CERKL: variants seen among roughly 807,000 people sequenced by gnomAD.
CERKL encodes the protein ceramide kinase-like protein.
Under a neutral mutation model 63.4 loss-of-function variants are expected in CERKL, and 61 were observed. The observed-to-expected ratio is 0.96, with a 90% CI of 0.78 to 1.19. The LOEUF (loss-of-function observed/expected upper bound fraction) is 1.19, where lower values mean the gene tolerates loss of function less well. CERKL is among the 50% of genes most tolerant of loss of function. The pLI, the probability that CERKL is intolerant of heterozygous loss-of-function variation, is 0.00. For missense variants in CERKL, 675 were observed against 655.5 expected, an observed-to-expected ratio of 1.03 and a Z score of -0.33; for synonymous variants, 250 against 230.5, an observed-to-expected ratio of 1.08 and a Z score of -0.77.
intron 2 of CERKL, among the ~76,000 whole-genome samples, chr2:181,578,768 G>T (rs1014622401): frequency 6.6e-6 from 1 of 151,990 alleles, no homozygotes; most frequent in Non-Finnish European, 1.5e-5. Context: ...ATCTAAAGCT[G>T]CCTCATATTC....
rs1689009975 is a variant in CERKL, at chr2:181,573,791, G to A, written c.575C>T (p.Pro192Leu). The A allele has an allele frequency of 6.2e-7, 1 of 1,612,236 alleles. No homozygotes were observed. The highest frequency in any genetic ancestry group is 8.5e-7 in the Non-Finnish European group (1 of 1,178,760). Reference protein sequence around the residue: ...ATQVYYEKVEPLLKLAGIKTD... With the variant: ...ATQVYYEKVELLLKLAGIKTD... ...TTTTATTCCTGCAAGCTTCAACAGAGGTTCAACCTTCTCATAATAAACCTG... is the reference window on the plus strand; with the variant it reads ...TTTTATTCCTGCAAGCTTCAACAGAAGTTCAACCTTCTCATAATAAACCTG... Residue 192 changes from proline to leucine, a missense_variant, in exon 3 of 13, where the codon CCT becomes CTT. By Grantham distance (98) the Pro-to-Leu change is moderately conservative. Coordinates refer to ENST00000410087, the MANE Select transcript of CERKL (RefSeq NM_201548.5).
intron 1 of CERKL, among the ~76,000 whole-genome samples, chr2:181,636,244 C>G (rs1687175135): frequency 6.6e-6 from 1 of 152,184 alleles, no homozygotes; most frequent in African/African-American, 2.4e-5. Context: ...CGTCTACTAT[C>G]TATCCCACTG....
intron 3 of CERKL, among the ~76,000 whole-genome samples, chr2:181,568,809 A>G (rs1364911657): frequency 6.6e-6 from 1 of 151,506 alleles, no homozygotes; most frequent in Non-Finnish European, 1.5e-5. Context: ...AGCATTAGGT[A>G]TATCTCCCGA....
At chr2:181,630,400 C>G (rs1284957945) in intron 1 of CERKL, among the ~76,000 whole-genome samples, 2 of 152,152 alleles carry the variant, frequency 1.3e-5, no homozygotes, top group African/African-American at 4.8e-5. Context: ...TATAGCAAAT[C>G]ACGTGTTATG....
intron 2 of CERKL, among the ~76,000 whole-genome samples, chr2:181,596,459 A>C (rs1181132176): frequency 1.3e-5 from 2 of 152,170 alleles, no homozygotes; most frequent in Non-Finnish European, 2.9e-5. Flanking sequence ...TTTAGCTGAA[A>C]GGGTAGAGGT....
intron 11 of CERKL, among the ~76,000 whole-genome samples, chr2:181,540,219 A>G (rs1477945448): frequency 6.6e-6 from 1 of 152,222 alleles, no homozygotes; most frequent in Non-Finnish European, 1.5e-5. Flanking sequence ...GTACAGAATT[A>G]GAGGGCCCCA....
chr2:181,549,213 A>C (rs1318310070), intron 6 of CERKL, among the ~76,000 whole-genome samples: 17 of 152,208 alleles, frequency 1.1e-4, no homozygotes, highest in Non-Finnish European at 2.4e-4. Flanking sequence ...AATAGGGATA[A>C]TAAAATATCT....
chr2:181,603,683 T>G (rs1685549954), intron 2 of CERKL, 154 bp downstream of exon 2: 7 of 793,916 alleles, frequency 8.8e-6, no homozygotes, highest in Non-Finnish European at 1.6e-5. Context: ...GAAAAAGTAT[T>G]TAGCAAATTT....
intron 10 of CERKL, among the ~76,000 whole-genome samples, chr2:181,546,483 A>G (rs935033964): frequency 3.9e-5 from 6 of 152,198 alleles, no homozygotes; most frequent in Non-Finnish European, 5.9e-5. Flanking sequence ...AAATCACACA[A>G]GGTTCAAAAT....
intron 2 of CERKL, among the ~76,000 whole-genome samples, chr2:181,579,434 G>C (rs539173315): frequency 6.6e-6 from 1 of 151,912 alleles, no homozygotes; most frequent in Admixed American, 6.5e-5. Flanking sequence ...TTTTTTCCAT[G>C]AACTTTCTAT....
chr2:181,629,468 T>C (rs1344523992), intron 1 of CERKL, among the ~76,000 whole-genome samples: 1 of 152,172 alleles, frequency 6.6e-6, no homozygotes, highest in Admixed American at 6.6e-5. Context: ...AGCAACCTGG[T>C]AATCCTAAGA....
intron 1 of CERKL, among the ~76,000 whole-genome samples, chr2:181,648,341 G>A (rs1233982354): frequency 2.0e-5 from 3 of 151,334 alleles, no homozygotes. Context: ...TTTCTCATCA[G>A]TAACATTAAA....
At chr2:181,638,136 T>C (rs917826326) in intron 1 of CERKL, among the ~76,000 whole-genome samples, 5 of 152,212 alleles carry the variant, frequency 3.3e-5, no homozygotes, top group African/African-American at 4.8e-5. Flanking sequence ...AATCCTATGA[T>C]ACATTTTTTC....
In CERKL at chr2:181,537,090, C is replaced by T. The variant is rs767549479; in HGVS notation, c.*1094G>A. 2 of 451,546 alleles carry T rather than the reference C, an allele frequency of 4.4e-6. No homozygotes were observed. The highest frequency in any genetic ancestry group is 4.4e-6 in the Non-Finnish European group (1 of 225,746). 28.0% of individuals were successfully genotyped at this position (451,546 alleles called of 1,614,324 possible). On this transcript the variant is annotated 3_prime_UTR_variant, in exon 13 of 13. Coordinates refer to ENST00000410087, the MANE Select transcript of CERKL (RefSeq NM_201548.5). ...ACCTCCTGAACCCAGAGTGTGTATA[C>T]ACAGGAATAAACTTTATGACATTTA...
intron 3 of CERKL, among the ~76,000 whole-genome samples, chr2:181,571,918 C>G (rs1226020403): frequency 6.6e-6 from 1 of 152,146 alleles, no homozygotes; most frequent in Non-Finnish European, 1.5e-5. Flanking sequence ...GTCTCTCTTG[C>G]ACACATATGC....
intron 2 of CERKL, among the ~76,000 whole-genome samples, chr2:181,579,540 T>C (rs561687937): frequency 6.6e-5 from 10 of 152,060 alleles, no homozygotes; most frequent in African/African-American, 2.4e-4. Context: ...ACAAATGCTT[T>C]TCCTAGTGTG....
intron 11 of CERKL, among the ~76,000 whole-genome samples, chr2:181,541,503 G>T (rs976682268): frequency 6.6e-6 from 1 of 152,208 alleles, no homozygotes; most frequent in African/African-American, 2.4e-5. Context: ...CAGGGACCTG[G>T]ATACAAAGGC....
intron 1 of CERKL, among the ~76,000 whole-genome samples, chr2:181,650,836 C>G (rs775350301): frequency 6.6e-6 from 1 of 151,070 alleles, no homozygotes; most frequent in Non-Finnish European, 1.5e-5. Context: ...AGTAATTCAA[C>G]TCAGAGGAGA....
At chr2:181,563,792 ATCTC>A (rs1274869121) in intron 4 of CERKL, among the ~76,000 whole-genome samples, 4 of 151,982 alleles carry the variant, frequency 2.6e-5, no homozygotes, top group African/African-American at 9.7e-5. Context: ...CTCCTCATAT[ATCTC>A]TCTATGTAAT....
Sources: gnomAD v4.1 joint callset for allele counts (sites outside exome capture counted in the v4.1 genomes callset) on GRCh38, gnomAD v4.1.1 for gene constraint, MANE v1.5 for transcripts, NCBI Gene and HGNC (gene_info 2026-07-23, HGNC 2026-07-21) for gene names.